The following CPED1 variants were observed in gnomAD, a reference collection of about 807,000 sequenced individuals.
The protein encoded by CPED1 is cadherin-like and PC-esterase domain-containing protein 1.
In CPED1, 114 loss-of-function variants were observed where a neutral mutation model predicts 128.2. That is an observed-to-expected ratio of 0.89 (90% CI 0.76 to 1.04). The LOEUF (loss-of-function observed/expected upper bound fraction) is 1.04, where lower values mean the gene tolerates loss of function less well. Among genes scored for constraint, CPED1 ranks in the 50% least tolerant of loss-of-function variants. CPED1 has a pLI of 0.00. For missense variants in CPED1, 1,211 were observed against 1,207.1 expected (o/e 1.00, Z -0.05); for synonymous variants, 462 against 426.7 (o/e 1.08, Z -1.02).
intron 18 of CPED1, among the ~76,000 whole-genome samples, chr7:121,249,929 A>G (rs995151133): frequency 7.2e-5 from 11 of 152,202 alleles, no homozygotes; most frequent in African/African-American, 2.7e-4. Flanking sequence ...GAAAGTTAAC[A>G]AGGATATCCA....
intron 16 of CPED1, among the ~76,000 whole-genome samples, chr7:121,186,380 C>T (rs1360220741): frequency 6.6e-6 from 1 of 152,134 alleles, no homozygotes; most frequent in Non-Finnish European, 1.5e-5. Flanking sequence ...GACACTAGCA[C>T]TTATCTGTTA....
At chr7:121,149,196 A>G (rs1796095064) in intron 16 of CPED1, among the ~76,000 whole-genome samples, 1 of 152,184 alleles carries the variant, frequency 6.6e-6, no homozygotes, top group African/African-American at 2.4e-5. Context: ...GCACCTAGGG[A>G]AGTGAAATGT....
chr7:121,140,693 A>G (rs1482278191), intron 14 of CPED1, 134 bp from the exon 15 acceptor site: 5 of 627,462 alleles, frequency 8.0e-6, no homozygotes, highest in African/African-American at 1.9e-5. Context: ...TGATCAGGGT[A>G]CTGATTGGAA....
At chr7:121,060,850 GCTCA>G (rs1793647309) in intron 4 of CPED1, among the ~76,000 whole-genome samples, 1 of 152,178 alleles carries the variant, frequency 6.6e-6, no homozygotes, top group Non-Finnish European at 1.5e-5. Context: ...TCTTGCTGCT[GCTCA>G]CTCTTTGGGT....
chr7:121,209,566 A>G (rs1797599815), intron 16 of CPED1, among the ~76,000 whole-genome samples: 1 of 152,032 alleles, frequency 6.6e-6, no homozygotes, highest in Non-Finnish European at 1.5e-5. Context: ...AGAAAAATAA[A>G]ACTAGACCCC....
rs1303377039 is a variant in CPED1 at position 121,116,962 on chromosome 7, C to CTA, written c.919-7354_919-7353dup. On this transcript the variant is annotated intron_variant, in intron 7 of 22. Transcript: ENST00000310396. The stretch of plus-strand genomic sequence containing the variant: ...AGAAACTCTCTCTCTCTCTCTCTCT[C>CTA]TATATATATATATATACACACACAC... 1.8e-4 allele frequency among the ~76,000 whole-genome samples: 8 copies of CTA among 44,546 alleles called. No individual in the cohort carries two copies. The East Asian group carries it at 6.3e-3, about 35-fold the overall frequency. The allele number at this position is 44,546 out of a possible 152,430, so 29.2% of individuals were successfully genotyped here.
intron 3 of CPED1, among the ~76,000 whole-genome samples, chr7:121,036,482 G>GCT (rs1554425197): frequency 7.7e-6 from 1 of 129,928 alleles, no homozygotes; most frequent in Non-Finnish European, 1.6e-5. Context: ...AGTATTCCAT[G>GCT]GTGTGTGTAT....
chr7:121,024,796 T>G (rs1166927183), intron 3 of CPED1, among the ~76,000 whole-genome samples: 1 of 152,178 alleles, frequency 6.6e-6, no homozygotes, highest in Non-Finnish European at 1.5e-5. Context: ...AAACACATAA[T>G]ATCCGAATTA....
chr7:121,035,739 A>G (rs1792865440), intron 3 of CPED1, among the ~76,000 whole-genome samples: 1 of 152,148 alleles, frequency 6.6e-6, no homozygotes, highest in Non-Finnish European at 1.5e-5. Context: ...AGGCTGAGGC[A>G]GGAGGAACAC....
intron 7 of CPED1, among the ~76,000 whole-genome samples, chr7:121,121,741 A>G (rs1241936374): frequency 1.3e-5 from 2 of 152,212 alleles, no homozygotes; most frequent in Admixed American, 1.3e-4. Flanking sequence ...GTGAGTTAAG[A>G]AAGTGCATGG....
intron 16 of CPED1, among the ~76,000 whole-genome samples, chr7:121,199,673 C>CAAAAAAAA (rs1160203035): frequency 4.8e-4 from 42 of 86,928 alleles, no homozygotes; most frequent in African/African-American, 1.8e-3. Context: ...GAGACTCCAT[C>CAAAAAAAA]AAAAAAAAAA....
Position 121,150,596 on chromosome 7 carries a change from T to C in CPED1, c.2055+8455T>C, listed in dbSNP as rs949996277. On this transcript the variant is annotated intron_variant, in intron 16 of 22. Transcript: ENST00000310396. ...ATGGTATTGTTGGGTCAATTGGTAATTTTGTTTTAAGGTCTTTGAGAAATC... is the reference window on the plus strand; with the variant it reads ...ATGGTATTGTTGGGTCAATTGGTAACTTTGTTTTAAGGTCTTTGAGAAATC... Among the ~76,000 whole-genome samples the C allele has an allele frequency of 8.5e-5, 13 of 152,124 alleles. 1 individual carries two copies. The highest frequency in any genetic ancestry group is 4.4e-5 in the Non-Finnish European group (3 of 68,020).
intron 17 of CPED1, among the ~76,000 whole-genome samples, chr7:121,243,019 A>C (rs1798438425): frequency 6.6e-6 from 1 of 152,156 alleles, no homozygotes; most frequent in Non-Finnish European, 1.5e-5. Flanking sequence ...TCCTAAAAAC[A>C]GAAATCCTTT....
chr7:121,095,623 G>A (rs929776045), intron 5 of CPED1, among the ~76,000 whole-genome samples: 8 of 151,768 alleles, frequency 5.3e-5, no homozygotes, highest in African/African-American at 1.5e-4. Context: ...TCCATTATCC[G>A]ATCACAGTTT....
intron 5 of CPED1, among the ~76,000 whole-genome samples, chr7:121,072,692 C>T (rs1794025194): frequency 6.6e-6 from 1 of 152,068 alleles, no homozygotes. Context: ...TGTCAGTCAA[C>T]CATAGGATTA....
At chr7:121,017,091 A>C (rs1176633424) in intron 3 of CPED1, among the ~76,000 whole-genome samples, 1 of 152,236 alleles carries the variant, frequency 6.6e-6, no homozygotes, top group African/African-American at 2.4e-5. Flanking sequence ...TGAGCTACTT[A>C]GAAGAAACTC....
At chr7:121,047,537 CT>C (rs1464333838) in intron 4 of CPED1, among the ~76,000 whole-genome samples, 1 of 152,052 alleles carries the variant, frequency 6.6e-6, no homozygotes, top group African/African-American at 2.4e-5. Context: ...TATAACGAAT[CT>C]GTACGAAAAG....
chr7:121,141,830 G>C (rs11979314), intron 15 of CPED1, 143 bp from the exon 16 acceptor site: 1 of 579,112 alleles, frequency 1.7e-6, no homozygotes. Flanking sequence ...TATTTTCATA[G>C]TTTAGGTTTC....
intron 3 of CPED1, among the ~76,000 whole-genome samples, chr7:121,029,858 G>A (rs915055287): frequency 6.6e-6 from 1 of 152,074 alleles, no homozygotes; most frequent in Non-Finnish European, 1.5e-5. Context: ...AATGATCAAT[G>A]TCCAGGTTAA....
Sources: gnomAD v4.1 joint callset for allele counts (sites outside exome capture counted in the v4.1 genomes callset) on GRCh38, gnomAD v4.1.1 for gene constraint, MANE v1.5 for transcripts, NCBI Gene and HGNC (gene_info 2026-07-23, HGNC 2026-07-21) for gene names.